The following B9D1 variants were observed in gnomAD, a reference collection of about 807,000 sequenced individuals.
The protein encoded by B9D1 is B9 domain containing 1, also known as B9 domain-containing protein 1.
A neutral mutation model predicts 26.1 loss-of-function variants in B9D1; 20 were observed. That is an observed-to-expected ratio of 0.77 (90% confidence interval 0.54 to 1.12). The LOEUF is 1.12. B9D1 is among the 50% of genes most tolerant of loss of function. B9D1 has a pLI of 0.00. For synonymous variants in B9D1, 105 were observed against 103.1 expected (o/e 1.02, Z -0.11); for missense variants, 260 against 273.7 (o/e 0.95, Z 0.35).
At chr17:19,374,305 G>T (rs1912014503) in intron 1 of B9D1, among the ~76,000 whole-genome samples, 1 of 152,134 alleles carries the variant, frequency 6.6e-6, no homozygotes, top group Non-Finnish European at 1.5e-5. Context: ...CAGTTCGATG[G>T]CTACGTAGAA....
intron 3 of B9D1, among the ~76,000 whole-genome samples, chr17:19,354,266 C>T (rs1333863724): frequency 6.6e-6 from 1 of 152,168 alleles, no homozygotes; most frequent in Non-Finnish European, 1.5e-5. Context: ...GACTCACTAC[C>T]GGATCACCAC....
intron 1 of B9D1, among the ~76,000 whole-genome samples, chr17:19,377,034 G>A (rs572993177): frequency 1.3e-5 from 2 of 152,184 alleles, no homozygotes; most frequent in African/African-American, 2.4e-5. Flanking sequence ...GGAGACAAAT[G>A]GCCAATAAGC....
Position 19,377,830 on chromosome 17 carries a change from G to A in B9D1, c.-298+29C>T, listed in dbSNP as rs951322599. 1.1e-5 allele frequency: 11 copies of A among 985,172 alleles called. No homozygotes were observed. The African/African-American group carries it at 1.9e-4, about 17-fold the overall frequency. 61.0% of individuals were successfully genotyped at this position (985,172 alleles called of 1,614,324 possible). On this transcript the variant is annotated intron_variant, in intron 1 of 5. Transcript: ENST00000477478. ...TGCAGCCCAAAGCACGGGAATCGCG[G>A]GACAGACAAACGAGCGGAGGGAAGA... is the stretch of plus-strand genomic sequence containing the variant.
chr17:19,377,777 GTTGGGCGGCCGCCTCGGTT>G, intron 1 of B9D1: 1 of 961,222 alleles, frequency 1.0e-6, no homozygotes, highest in Non-Finnish European at 1.2e-6. Flanking sequence ...AGGAGCAGAG[GTTGGGCGGCCGCCTCGGTT>G]AACTCCGCTG....
intron 1 of B9D1, chr17:19,371,555 G>A (rs1284447007): frequency 6.6e-6 from 1 of 152,242 alleles, no homozygotes; most frequent in African/African-American, 2.4e-5. Context: ...TTACCTCTAT[G>A]GTGGCTTCTA....
At chr17:19,360,457 T>A in intron 1 of B9D1, 69 bp from the exon 2 acceptor site, 1 of 1,425,362 alleles carries the variant, frequency 7.0e-7, no homozygotes, top group East Asian at 2.3e-5. Flanking sequence ...GCTAGGCAGG[T>A]GCAGCCAAGG....
chr17:19,357,990 G>C (rs534219717), intron 2 of B9D1, 39 bp from the exon 3 acceptor site: 2 of 1,524,294 alleles, frequency 1.3e-6, no homozygotes, highest in South Asian at 1.1e-5. Context: ...ATTCAGAGCA[G>C]AGCCAAGCTG....
intron 2 of B9D1, among the ~76,000 whole-genome samples, chr17:19,358,806 T>C (rs888608891): frequency 6.6e-6 from 1 of 152,124 alleles, no homozygotes; most frequent in Non-Finnish European, 1.5e-5. Context: ...CCCAAATTTA[T>C]GTCTCCAGCC....
At chr17:19,362,865 C>T, upstream of B9D1, 2 of 613,484 alleles carry the variant, frequency 3.3e-6, no homozygotes, top group Non-Finnish European at 5.5e-6. Flanking sequence ...GCCAGCCCTA[C>T]CGCTCGACTC....
rs146964957 is a variant in B9D1, at chr17:19,369,905, C to T, written c.-298+7954G>A. 4.5e-3 allele frequency among the ~76,000 whole-genome samples: 680 copies of T among 152,278 alleles called. 4 individuals are homozygous for T. The highest frequency in any genetic ancestry group is 0.016 in the African/African-American group (661 of 41,540). ...TGAGATGTTCAGAGCAGGATTCCTA[C>T]CTAGTGCCCCGCCAAACATGGCCCA... On this transcript the variant is annotated intron_variant, in intron 1 of 5. Coordinates refer to the B9D1 transcript ENST00000477478.
intron 5 of B9D1, among the ~76,000 whole-genome samples, chr17:19,346,542 T>C (rs1474596960): frequency 1.3e-5 from 2 of 152,184 alleles, no homozygotes; most frequent in African/African-American, 4.8e-5. Flanking sequence ...CTAATGGTCC[T>C]CGAGTCAGAA....
At position 19,372,507 on chromosome 17, in the gene B9D1, G is replaced by A. The variant is rs1040783282; in HGVS notation, c.-298+5352C>T. On this transcript the variant is annotated intron_variant, in intron 1 of 5. Coordinates refer to the B9D1 transcript ENST00000477478. This position sits in a 1 kb window ranked among gnomAD's most constrained non-coding sequence, Gnocchi z 4.4. ...TTGCCCCCACTGTCCCTCTGCTGCC[G>A]CATGCTCGTCTATTAGGTCCTGACT... Among the ~76,000 whole-genome samples the A allele has an allele frequency of 6.6e-6, 1 of 152,134 alleles. No homozygotes were observed. Among genetic ancestry groups the A allele is most frequent in the Admixed American group, 6.5e-5 (1 of 15,270 alleles).
At chr17:19,343,133 G>C, downstream of B9D1, 1 of 1,431,588 alleles carries the variant, frequency 7.0e-7, no homozygotes, top group East Asian at 2.5e-5. Flanking sequence ...GCTCCTGTGG[G>C]GGAGGGGCTA....
At chr17:19,357,693 T>C in intron 3 of B9D1, 147 bp downstream of exon 3, 1 of 705,760 alleles carries the variant, frequency 1.4e-6, no homozygotes, top group South Asian at 1.5e-5. Context: ...AAGGGACAGA[T>C]GGCGAGAGAG....
intron 3 of B9D1, among the ~76,000 whole-genome samples, chr17:19,350,584 G>T (rs1183010498): frequency 6.6e-6 from 1 of 151,698 alleles, no homozygotes; most frequent in Non-Finnish European, 1.5e-5. Context: ...AGCCGGGCAT[G>T]GTGGTGCATG....
At chr17:19,352,393 G>A (rs1025900648) in intron 3 of B9D1, among the ~76,000 whole-genome samples, 4 of 151,142 alleles carry the variant, frequency 2.6e-5, no homozygotes, top group Non-Finnish European at 4.4e-5. Flanking sequence ...CGCCCAGACC[G>A]GAGTGAAGTG....
At chr17:19,364,288 T>C (rs966938560), upstream of B9D1, 18 of 152,110 alleles carry the variant, frequency 1.2e-4, no homozygotes, top group African/African-American at 4.3e-4. This position sits in a 1 kb window ranked among gnomAD's most constrained non-coding sequence, Gnocchi z 4.3. Context: ...GCCCGACCCC[T>C]GGGTGTTGGG....
chr17:19,342,877 G>A (rs1908132557), downstream of B9D1, among the ~76,000 whole-genome samples: 1 of 152,228 alleles, frequency 6.6e-6, no homozygotes, highest in Non-Finnish European at 1.5e-5. Flanking sequence ...AAGCATGGCT[G>A]AACGGGTGAT....
At chr17:19,376,202 C>G (rs528299956) in intron 1 of B9D1, among the ~76,000 whole-genome samples, 3 of 152,264 alleles carry the variant, frequency 2.0e-5, no homozygotes, top group African/African-American at 7.2e-5. Flanking sequence ...TGCAAGGGCT[C>G]TGGTGAAAGA....
Sources: allele counts gnomAD v4.1 joint callset (sites outside exome capture counted in the v4.1 genomes callset), GRCh38; gene constraint gnomAD v4.1.1; non-coding constraint Gnocchi (gnomAD v3.1); transcripts MANE v1.5; gene names NCBI Gene and HGNC (gene_info 2026-07-23, HGNC 2026-07-21).